Variants in TJP1 observed in about 807,000 individuals in gnomAD.
The protein encoded by TJP1 is tight junction protein 1.
TJP1 carries 43 observed loss-of-function variants against 194.2 expected under a neutral mutation model. The observed-to-expected ratio is 0.22, with a 90% CI of 0.17 to 0.29. TJP1 has a LOEUF of 0.29. Among genes scored for constraint, TJP1 ranks in the 10% least tolerant of loss-of-function variants. The pLI is 1.00. For synonymous variants in TJP1, 801 were observed against 779.0 expected, an observed-to-expected ratio of 1.03 and a Z score of -0.47; for missense variants, 1,971 against 2,185.7, an observed-to-expected ratio of 0.90 and a Z score of 1.96.
chr15:29,944,677 G>C (rs867150847), intron 2 of TJP1, among the ~76,000 whole-genome samples: 3 of 152,086 alleles, frequency 2.0e-5, no homozygotes, highest in Admixed American at 1.3e-4. Flanking sequence ...CTGAGATAAG[G>C]CTTTTCTAAG....
rs374086510 is a variant in TJP1 at position 29,719,142 on chromosome 15, T to C, written c.3004-4A>G. ...GATATGGATCCTTTCTATACACCTG[T>C]ATAAAAAATTCACATTTAAGGACAA... On this transcript the variant is annotated splice_polypyrimidine_tract_variant and splice_region_variant and intron_variant, in intron 20 of 27. Coordinates refer to ENST00000614355, the MANE Select transcript of TJP1 (RefSeq NM_001330239.4). 1.5e-5 allele frequency: 24 copies of C among 1,568,316 alleles called. No homozygotes were observed. The highest frequency in any genetic ancestry group is 2.0e-5 in the Non-Finnish European group (23 of 1,161,958).
chr15:29,914,320 G>T (rs1212257408), intron 2 of TJP1, among the ~76,000 whole-genome samples: 1 of 152,076 alleles, frequency 6.6e-6, no homozygotes, highest in East Asian at 1.9e-4. Flanking sequence ...GTTGAAAGGG[G>T]ATGCTATATA....
intron 2 of TJP1, among the ~76,000 whole-genome samples, chr15:29,874,392 C>T (rs1256939463): frequency 2.0e-5 from 3 of 152,116 alleles, no homozygotes; most frequent in South Asian, 2.1e-4. Flanking sequence ...GCAGTAAGGG[C>T]GGAGGGCAAA....
At chr15:29,967,325 T>C (rs911986447) in intron 1 of TJP1, among the ~76,000 whole-genome samples, 1 of 151,912 alleles carries the variant, frequency 6.6e-6, no homozygotes, top group African/African-American at 2.4e-5. Flanking sequence ...TGTGAGCCAC[T>C]ATACCCGGCA....
Position 29,718,558 on chromosome 15 carries a change from TA to T in TJP1, c.3583del (p.Tyr1195IlefsTer32). The T allele has an allele frequency of 6.2e-7, 1 of 1,614,130 alleles. No homozygotes were observed. The highest frequency in any genetic ancestry group is 8.5e-7 in the Non-Finnish European group (1 of 1,180,034). On this transcript the variant is annotated frameshift_variant, in exon 21 of 28. Transcript: ENST00000614355. LOFTEE classifies it high-confidence loss of function. ...TGGTACTTGCTCGTAACTGCGTGAA[TA>T]TTGCTCAAAATACTGCTTGGACTCT... ...PAESKQYFEQ[Y>X]SRSYEQVPPQ... is the part of the protein sequence containing the mutation.
chr15:29,952,467 A>G (rs564395764), intron 2 of TJP1, among the ~76,000 whole-genome samples: 18 of 152,246 alleles, frequency 1.2e-4, no homozygotes, highest in Non-Finnish European at 2.2e-4. Flanking sequence ...GTGAAATGGC[A>G]TCATTCTGAT....
chr15:29,719,307 C>T (rs1174212512), intron 20 of TJP1, among the ~76,000 whole-genome samples, 169 bp from the exon 21 acceptor site: 1 of 152,226 alleles, frequency 6.6e-6, no homozygotes, highest in South Asian at 2.1e-4. Context: ...TAAGTGAAAG[C>T]TCAAAATTTA....
chr15:29,861,853 A>C (rs1470268327), intron 2 of TJP1, among the ~76,000 whole-genome samples: 4 of 152,138 alleles, frequency 2.6e-5, no homozygotes. Flanking sequence ...GATGAAGCTC[A>C]TTGTACCTAT....
At chr15:29,786,432 T>C (rs1176682178) in intron 2 of TJP1, among the ~76,000 whole-genome samples, 1 of 152,210 alleles carries the variant, frequency 6.6e-6, no homozygotes, top group Non-Finnish European at 1.5e-5. Context: ...CTTTATTGCA[T>C]GTATAGAGAG....
intron 5 of TJP1, among the ~76,000 whole-genome samples, chr15:29,765,803 G>A (rs2046294961): frequency 6.6e-6 from 1 of 152,140 alleles, no homozygotes; most frequent in South Asian, 2.1e-4. Flanking sequence ...GAAGTGGGAG[G>A]ACTGCTTGAG....
At chr15:29,914,531 T>G (rs1394850004) in intron 2 of TJP1, among the ~76,000 whole-genome samples, 1 of 152,252 alleles carries the variant, frequency 6.6e-6, no homozygotes, top group East Asian at 1.9e-4. Context: ...TCAGCTTGTC[T>G]GTAATGAAGT....
intron 8 of TJP1, among the ~76,000 whole-genome samples, chr15:29,758,638 G>C (rs978205605): frequency 6.9e-4 from 105 of 152,282 alleles, no homozygotes; most frequent in African/African-American, 2.5e-3. Context: ...ATGGTTTCTA[G>C]CTGAGAAATA....
intron 2 of TJP1, among the ~76,000 whole-genome samples, chr15:29,843,483 C>T (rs1224326120): frequency 1.3e-5 from 2 of 152,162 alleles, no homozygotes; most frequent in Non-Finnish European, 2.9e-5. Context: ...GCCACCGTGC[C>T]CAGCCTACCT....
chr15:29,905,406 A>G (rs1160680401), intron 2 of TJP1, among the ~76,000 whole-genome samples: 1 of 152,228 alleles, frequency 6.6e-6, no homozygotes. Context: ...CAAAAAAACT[A>G]TGGCGCAAAC....
rs376249133 is a variant in TJP1, at chr15:29,868,289, G to C, written c.307-67587C>G. On this transcript the variant is annotated intron_variant, in intron 2 of 28. Coordinates refer to the TJP1 transcript ENST00000356107. The stretch of plus-strand genomic sequence containing the variant: ...AATTTTCCGGGCATTAAAAATAACT[G>C]GTCAGTTAGGAGGTGGCTAACTCTG... 1.9e-4 allele frequency among the ~76,000 whole-genome samples: 29 copies of C among 152,198 alleles called. No individual in the cohort carries two copies. The East Asian group carries it at 4.1e-3, about 21-fold the overall frequency.
At chr15:29,786,624 T>C (rs1156688979) in intron 2 of TJP1, among the ~76,000 whole-genome samples, 2 of 152,098 alleles carry the variant, frequency 1.3e-5, no homozygotes, top group African/African-American at 2.4e-5. Context: ...CTCAGCCTCC[T>C]GAAGTAACTG....
intron 1 of TJP1, among the ~76,000 whole-genome samples, chr15:29,815,977 A>G (rs2049887404): frequency 6.6e-6 from 1 of 151,948 alleles, no homozygotes; most frequent in African/African-American, 2.4e-5. Context: ...CCTCGAAGCC[A>G]CAGATTGGTT....
chr15:29,803,213 T>G (rs933186389), intron 1 of TJP1, among the ~76,000 whole-genome samples: 1 of 152,198 alleles, frequency 6.6e-6, no homozygotes, highest in Admixed American at 6.5e-5. Flanking sequence ...TGGCAATGTA[T>G]TTTAAACTAT....
intron 2 of TJP1, among the ~76,000 whole-genome samples, chr15:29,896,873 C>T (rs577804688): frequency 1.3e-5 from 2 of 152,026 alleles, no homozygotes; most frequent in Non-Finnish European, 2.9e-5. Flanking sequence ...TCCTAAGCAG[C>T]AAAGCATTCA....
Sources: gnomAD v4.1 joint callset for allele counts (sites outside exome capture counted in the v4.1 genomes callset) on GRCh38, gnomAD v4.1.1 for gene constraint, MANE v1.5 for transcripts, NCBI Gene and HGNC (gene_info 2026-07-23, HGNC 2026-07-21) for gene names.